The following FCHSD2 variants were observed in gnomAD, a reference collection of about 807,000 sequenced individuals.
The protein encoded by FCHSD2 is F-BAR and double SH3 domains protein 2.
FCHSD2 carries 38 observed loss-of-function variants against 108.1 expected under a neutral mutation model. The ratio of observed to expected loss-of-function variants is 0.35; its 90% CI spans 0.27 to 0.46. FCHSD2 has a LOEUF of 0.46. Ranked by LOEUF, FCHSD2 falls within the 20% of genes least tolerant of loss-of-function variation. The probability of loss-of-function intolerance (pLI) is 1.00; values close to 1 mark genes in which losing one functional copy is unlikely to be tolerated. For missense variants in FCHSD2, 751 were observed against 897.8 expected (o/e 0.84, Z 2.09); for synonymous variants, 279 against 314.7 (o/e 0.89, Z 1.20).
At chr11:73,035,754 CT>C (rs2135456764) in intron 3 of FCHSD2, among the ~76,000 whole-genome samples, 1 of 151,356 alleles carries the variant, frequency 6.6e-6, no homozygotes, top group Admixed American at 6.6e-5. Context: ...TGGAGTCTCG[CT>C]CTGTCACCAG....
At chr11:73,126,005 A>G (rs996074450) in intron 2 of FCHSD2, among the ~76,000 whole-genome samples, 1 of 152,108 alleles carries the variant, frequency 6.6e-6, no homozygotes, top group East Asian at 1.9e-4. Context: ...GAAATTTGAC[A>G]TTAGGCAAGA....
At chr11:73,082,402 C>T (rs1297354526) in intron 3 of FCHSD2, among the ~76,000 whole-genome samples, 2 of 143,178 alleles carry the variant, frequency 1.4e-5, no homozygotes, top group East Asian at 2.1e-4. Flanking sequence ...AAAACTGATG[C>T]TATTCATTAT....
At chr11:72,932,866 C>T (rs568565328) in intron 8 of FCHSD2, among the ~76,000 whole-genome samples, 1 of 152,132 alleles carries the variant, frequency 6.6e-6, no homozygotes, top group Non-Finnish European at 1.5e-5. Flanking sequence ...AATAATAACA[C>T]CAATCAGAAT....
chr11:73,102,763 G>A lies in FCHSD2; in HGVS notation c.120-19023C>T, dbSNP rs1032469793. On this transcript the variant is annotated intron_variant, in intron 2 of 19. Coordinates refer to ENST00000409418, the MANE Select transcript of FCHSD2 (RefSeq NM_014824.3). ...TGCATCAAGAGCTTCCTCACCAGATGCTGGTGCCTTGATTTTGGACTTCCC... is the reference window on the plus strand; with the variant it reads ...TGCATCAAGAGCTTCCTCACCAGATACTGGTGCCTTGATTTTGGACTTCCC... Among the ~76,000 whole-genome samples, 3 of 152,156 alleles carry A rather than the reference G, an allele frequency of 2.0e-5. No individual in the cohort carries two copies. The East Asian group carries it at 5.8e-4, about 29-fold the overall frequency.
chr11:73,097,117 C>T (rs1268005835), intron 2 of FCHSD2, among the ~76,000 whole-genome samples: 1 of 148,586 alleles, frequency 6.7e-6, no homozygotes, highest in Non-Finnish European at 1.5e-5. Flanking sequence ...ATCCTCCCAC[C>T]TCAGCCTCCC....
At chr11:73,051,504 C>T (rs1466414969) in intron 3 of FCHSD2, among the ~76,000 whole-genome samples, 1 of 151,186 alleles carries the variant, frequency 6.6e-6, no homozygotes, top group East Asian at 1.9e-4. Context: ...CTTTCCTTGG[C>T]AAAAAAAGAT....
intron 8 of FCHSD2, among the ~76,000 whole-genome samples, chr11:72,978,331 T>C (rs1482709988): frequency 6.6e-6 from 1 of 151,294 alleles, no homozygotes; most frequent in Non-Finnish European, 1.5e-5. Context: ...AATAAATAAA[T>C]ACATAAAAAT....
chr11:72,882,455 TTAGA>T (rs1476520413), intron 12 of FCHSD2, among the ~76,000 whole-genome samples: 1 of 151,830 alleles, frequency 6.6e-6, no homozygotes, highest in African/African-American at 2.4e-5. Context: ...AAGCAAACAG[TTAGA>T]TAGATGGGAT....
intron 12 of FCHSD2, among the ~76,000 whole-genome samples, chr11:72,871,753 ATT>A (rs35295400): frequency 6.4e-3 from 851 of 132,840 alleles, no homozygotes; most frequent in Admixed American, 7.1e-3. Context: ...TTGGTACATA[ATT>A]TTTTTTTTTT....
intron 10 of FCHSD2, among the ~76,000 whole-genome samples, chr11:72,901,217 C>A (rs1374639780): frequency 6.6e-6 from 1 of 151,496 alleles, no homozygotes; most frequent in Non-Finnish European, 1.5e-5. Context: ...CATGGTGAGA[C>A]CCCCCCATCT....
At chr11:73,109,087 A>C (rs957684459) in intron 2 of FCHSD2, among the ~76,000 whole-genome samples, 1 of 152,040 alleles carries the variant, frequency 6.6e-6, no homozygotes, top group African/African-American at 2.4e-5. Context: ...TGTTCCATTG[A>C]CCTGTGTGTC....
chr11:73,059,016 C>T (rs1859099927), intron 3 of FCHSD2, among the ~76,000 whole-genome samples: 1 of 152,150 alleles, frequency 6.6e-6, no homozygotes, highest in Admixed American at 6.5e-5. Context: ...TGAATCATCC[C>T]ATTTTAGTTT....
At chr11:72,915,094 C>T in intron 9 of FCHSD2, among the ~76,000 whole-genome samples, 1 of 148,276 alleles carries the variant, frequency 6.7e-6, no homozygotes. Context: ...ACGACATGAA[C>T]AGACACTTCT....
chr11:73,141,829 C>G lies in FCHSD2; in HGVS notation c.21+28G>C, dbSNP rs1477201442. 9 of 1,541,632 alleles carry G rather than the reference C, an allele frequency of 5.8e-6. No homozygotes were observed. The East Asian group carries it at 2.2e-4, about 38-fold the overall frequency. ...CGTTCCGCGTACGCATCTCTCCGAA[C>G]CCCAAAGCCCCCCAGCTGCGCCCTT... is the stretch of plus-strand genomic sequence containing the variant. On this transcript the variant is annotated intron_variant, in intron 1 of 19. Coordinates refer to ENST00000409418, the MANE Select transcript of FCHSD2 (RefSeq NM_014824.3).
chr11:72,997,159 T>C (rs116885891), intron 5 of FCHSD2, among the ~76,000 whole-genome samples: 7,350 of 152,184 alleles, frequency 0.048, 306 homozygotes, highest in Non-Finnish European at 0.063. Context: ...TAGAGAACTA[T>C]AGCCGAGAGG....
At chr11:73,062,604 T>C (rs577134188) in intron 3 of FCHSD2, among the ~76,000 whole-genome samples, 1 of 152,264 alleles carries the variant, frequency 6.6e-6, no homozygotes, top group African/African-American at 2.4e-5. Flanking sequence ...AATGACCCGA[T>C]GGAGCTGAAA....
chr11:72,942,085 G>C (rs1449277554), intron 8 of FCHSD2, among the ~76,000 whole-genome samples: 1 of 152,198 alleles, frequency 6.6e-6, no homozygotes, highest in African/African-American at 2.4e-5. Context: ...CAATGTTGGA[G>C]GTGGGCCTAG....
chr11:72,901,865 G>GT (rs200661196), intron 10 of FCHSD2, among the ~76,000 whole-genome samples: 3,722 of 147,798 alleles, frequency 0.025, 131 homozygotes, highest in African/African-American at 0.087. Flanking sequence ...TTCTATTCTG[G>GT]TTTTTTTTTT....
chr11:72,917,804 C>T (rs774773028), intron 9 of FCHSD2, among the ~76,000 whole-genome samples: 3 of 151,966 alleles, frequency 2.0e-5, no homozygotes, highest in Non-Finnish European at 4.4e-5. Context: ...AGGAGAATCG[C>T]TTGAACCTGG....
Sources: gnomAD v4.1 joint callset for allele counts (sites outside exome capture counted in the v4.1 genomes callset) on GRCh38, gnomAD v4.1.1 for gene constraint, MANE v1.5 for transcripts, NCBI Gene and HGNC (gene_info 2026-07-23, HGNC 2026-07-21) for gene names.